The following CEP128 variants were observed in gnomAD, a reference collection of about 807,000 sequenced individuals.
CEP128 encodes the protein centrosomal protein 128.
In CEP128, 132 loss-of-function variants were observed where a neutral mutation model predicts 156.7. That is an observed-to-expected ratio of 0.84 (90% CI 0.73 to 0.97). CEP128 has a LOEUF of 0.97. Among genes scored for constraint, CEP128 ranks in the 50% least tolerant of loss-of-function variants. The pLI, the probability that CEP128 is intolerant of heterozygous loss-of-function variation, is 0.00. For missense variants in CEP128, 1,252 were observed against 1,281.9 expected (o/e 0.98, Z 0.36); for synonymous variants, 469 against 448.9 (o/e 1.04, Z -0.57).
At chr14:80,928,656 T>C (rs1344552848) in intron 2 of CEP128, among the ~76,000 whole-genome samples, 2 of 152,064 alleles carry the variant, frequency 1.3e-5, no homozygotes, top group Non-Finnish European at 2.9e-5. Flanking sequence ...TTATGTAAAA[T>C]GGCCAAACCT....
chr14:80,538,574 A>G (rs2140301492), intron 21 of CEP128, among the ~76,000 whole-genome samples: 3 of 152,312 alleles, frequency 2.0e-5, no homozygotes, highest in Middle Eastern at 3.4e-3. Context: ...TTTATCATAT[A>G]TCAATCCATC....
rs139496737 is a variant in CEP128 at position 80,684,992 on chromosome 14, T to A, written c.2806+58083A>T. Among the ~76,000 whole-genome samples, 521 of 152,296 alleles carry A rather than the reference T, an allele frequency of 3.4e-3. 4 individuals carry two copies. The highest frequency in any genetic ancestry group is 0.02 in the Middle Eastern group (6 of 294). ...TATGCCAAACTCACAGTCAACATCGTGCAGAATGGGCAAAAATTGGCAGCA... is the reference window on the plus strand; with the variant it reads ...TATGCCAAACTCACAGTCAACATCGAGCAGAATGGGCAAAAATTGGCAGCA... On this transcript the variant is annotated intron_variant, in intron 19 of 24. Transcript: ENST00000555265.
At chr14:80,590,547 A>G (rs1025051515) in intron 19 of CEP128, among the ~76,000 whole-genome samples, 11 of 152,148 alleles carry the variant, frequency 7.2e-5, no homozygotes, top group African/African-American at 2.7e-4. Flanking sequence ...ATTCCTAGGA[A>G]GAAAAATTAA....
chr14:80,664,446 T>C lies in CEP128; in HGVS notation c.2806+78629A>G, dbSNP rs549314588. On this transcript the variant is annotated intron_variant, in intron 19 of 24. Transcript: ENST00000555265. ...GAGGGACATAGCCAGCAAGCTGATA[T>C]TCTGGCTAAAAAAGAGGTCACAAAG... Among the ~76,000 whole-genome samples the C allele has an allele frequency of 2.0e-5, 3 of 152,006 alleles. No homozygotes were observed. In the South Asian group the frequency reaches 6.2e-4, roughly 32 times the overall value.
intron 8 of CEP128, among the ~76,000 whole-genome samples, chr14:80,893,358 C>T (rs958175034): frequency 1.3e-5 from 2 of 151,628 alleles, no homozygotes; most frequent in African/African-American, 4.8e-5. Flanking sequence ...TGGGAAGATG[C>T]AGGTCAGAGG....
chr14:80,694,923 A>C (rs531131985), intron 19 of CEP128, among the ~76,000 whole-genome samples: 3 of 152,162 alleles, frequency 2.0e-5, no homozygotes, highest in Non-Finnish European at 4.4e-5. Flanking sequence ...AAATTAAAAA[A>C]AAAAAAAAAA....
intron 19 of CEP128, among the ~76,000 whole-genome samples, chr14:80,595,289 G>A (rs1892265521): frequency 6.6e-6 from 1 of 152,154 alleles, no homozygotes. Context: ...CATGGACACA[G>A]AGAGGGGAAC....
chr14:80,548,104 G>A (rs1362053804), intron 21 of CEP128, among the ~76,000 whole-genome samples: 1 of 151,934 alleles, frequency 6.6e-6, no homozygotes, highest in African/African-American at 2.4e-5. Context: ...CCAGCTGGGA[G>A]AGGAACTTTT....
chr14:80,919,749 AC>A (rs1159192766), intron 2 of CEP128, among the ~76,000 whole-genome samples: 3 of 152,232 alleles, frequency 2.0e-5, no homozygotes, highest in African/African-American at 4.8e-5. Flanking sequence ...GTCATACAAT[AC>A]AAGAAAAAAG....
chr14:80,818,394 A>G (rs1365278284), intron 13 of CEP128, among the ~76,000 whole-genome samples: 5 of 152,234 alleles, frequency 3.3e-5, no homozygotes, highest in African/African-American at 4.8e-5. Context: ...ATCAACAAAA[A>G]CTCAGAGAAT....
intron 13 of CEP128, among the ~76,000 whole-genome samples, chr14:80,806,074 T>C (rs1226244119): frequency 6.6e-6 from 1 of 152,108 alleles, no homozygotes; most frequent in Non-Finnish European, 1.5e-5. Context: ...TAGCCTACTG[T>C]CTTCTCTATC....
intron 15 of CEP128, among the ~76,000 whole-genome samples, chr14:80,782,983 CA>C (rs1190816323): frequency 6.6e-6 from 1 of 152,078 alleles, no homozygotes; most frequent in Non-Finnish European, 1.5e-5. Context: ...ATTCCCTGCA[CA>C]ATCTCATCCA....
At chr14:80,649,460 G>GA (rs1304631060) in intron 19 of CEP128, among the ~76,000 whole-genome samples, 1 of 151,916 alleles carries the variant, frequency 6.6e-6, no homozygotes, top group Non-Finnish European at 1.5e-5. Flanking sequence ...GAATAAAAGA[G>GA]AAAAAAGAGA....
intron 19 of CEP128, among the ~76,000 whole-genome samples, chr14:80,697,576 T>C (rs1028513507): frequency 6.6e-6 from 1 of 152,098 alleles, no homozygotes; most frequent in African/African-American, 2.4e-5. Flanking sequence ...CTTTATTGTC[T>C]ATATGTACAT....
At chr14:80,790,571 T>A (rs1321001669) in intron 14 of CEP128, among the ~76,000 whole-genome samples, 2 of 152,040 alleles carry the variant, frequency 1.3e-5, no homozygotes, top group Admixed American at 6.6e-5. Context: ...ATTTGATCCA[T>A]CTGGGTTTTT....
intron 2 of CEP128, among the ~76,000 whole-genome samples, chr14:80,934,067 C>T (rs1482323961): frequency 3.3e-5 from 5 of 152,138 alleles, no homozygotes; most frequent in Non-Finnish European, 7.4e-5. Context: ...TGTGGAGAGT[C>T]CTATGCAACC....
chr14:80,724,641 A>G (rs1308941409), intron 19 of CEP128, among the ~76,000 whole-genome samples: 3 of 152,040 alleles, frequency 2.0e-5, no homozygotes, highest in Non-Finnish European at 2.9e-5. Flanking sequence ...AGAAAAAGAT[A>G]TCCAATAATA....
intron 19 of CEP128, among the ~76,000 whole-genome samples, chr14:80,649,755 G>A (rs1472301729): frequency 6.6e-6 from 1 of 152,132 alleles, no homozygotes; most frequent in Non-Finnish European, 1.5e-5. Flanking sequence ...TGAGGCCTCT[G>A]TTCTGGTCCA....
chr14:80,669,737 C>T (rs1251854419), intron 19 of CEP128, among the ~76,000 whole-genome samples: 3 of 152,126 alleles, frequency 2.0e-5, no homozygotes, highest in Admixed American at 6.5e-5. Context: ...CTATGAAAAA[C>T]GGTATGGAGA....
Sources: allele counts gnomAD v4.1 joint callset (sites outside exome capture counted in the v4.1 genomes callset), GRCh38; gene constraint gnomAD v4.1.1; transcripts MANE v1.5; gene names NCBI Gene and HGNC (gene_info 2026-07-23, HGNC 2026-07-21).